CEP68: variants seen among roughly 807,000 people sequenced by gnomAD.
CEP68 encodes the protein centrosomal protein of 68 kDa.
A neutral mutation model predicts 55.3 loss-of-function variants in CEP68; 26 were observed. The observed-to-expected ratio is 0.47, with a 90% confidence interval of 0.34 to 0.65. CEP68 has a LOEUF of 0.65. Ranked by LOEUF, CEP68 falls within the 30% of genes least tolerant of loss-of-function variation. The pLI is 0.01. For missense variants in CEP68, 957 were observed against 946.7 expected, an observed-to-expected ratio of 1.01 and a Z score of -0.14; for synonymous variants, 402 against 383.2, an observed-to-expected ratio of 1.05 and a Z score of -0.57.
intron 5 of CEP68, among the ~76,000 whole-genome samples, chr2:65,079,284 G>A (rs936710364): frequency 4.6e-5 from 7 of 152,146 alleles, no homozygotes; most frequent in South Asian, 2.1e-4. Flanking sequence ...CATATTGGCC[G>A]CATGATTTTG....
At chr2:65,061,171 C>T (rs1675893536) in intron 1 of CEP68, among the ~76,000 whole-genome samples, 1 of 151,674 alleles carries the variant, frequency 6.6e-6, no homozygotes, top group Admixed American at 6.6e-5. Flanking sequence ...GACTCCATCT[C>T]AAATTAAAAA....
intron 1 of CEP68, among the ~76,000 whole-genome samples, chr2:65,069,146 T>C (rs2252867): frequency 0.4 from 60,810 of 151,948 alleles, 12,494 homozygotes; most frequent in Middle Eastern, 0.49. Flanking sequence ...GTTGACCCTC[T>C]TGGGTTTCTG....
intron 1 of CEP68, among the ~76,000 whole-genome samples, chr2:65,066,269 G>A (rs1184699761): frequency 1.3e-5 from 2 of 152,200 alleles, no homozygotes; most frequent in Non-Finnish European, 2.9e-5. Flanking sequence ...ACCTCAGTCA[G>A]GAATCAGGGT....
intron 4 of CEP68, 117 bp from the exon 5 acceptor site, chr2:65,077,751 G>T: frequency 1.5e-6 from 1 of 653,056 alleles, no homozygotes; most frequent in Non-Finnish European, 2.6e-6. Context: ...ACCTGATGGG[G>T]TGAATCTTAC....
At chr2:65,080,527 G>A in intron 5 of CEP68, 1 of 985,350 alleles carries the variant, frequency 1.0e-6, no homozygotes, top group Non-Finnish European at 1.2e-6. Flanking sequence ...CTAAATAAAA[G>A]TTCAAAAGCG....
At chr2:65,073,333 C>T in intron 3 of CEP68, 1 of 353,716 alleles carries the variant, frequency 2.8e-6, no homozygotes, top group Non-Finnish European at 5.5e-6. Context: ...AGGTTTTGTG[C>T]ACAGATGCCT....
intron 4 of CEP68, among the ~76,000 whole-genome samples, chr2:65,077,233 G>A (rs1451573918): frequency 6.6e-6 from 1 of 152,024 alleles, no homozygotes; most frequent in Non-Finnish European, 1.5e-5. Context: ...CCTGACCTCA[G>A]GTGATCCGCC....
rs745640893 is a variant in CEP68, at chr2:65,074,505, T to C, written c.2007+101T>C. ...CAAATAACCAATGTCTGGTATGTTA[T>C]AGCTCAGTTGACTATTATACCTGAA... On this transcript the variant is annotated intron_variant, in intron 4 of 6. Transcript: ENST00000377990. 3.9e-6 allele frequency: 6 copies of C among 1,535,544 alleles called. No homozygotes were observed. In the South Asian group the frequency reaches 5.6e-5, roughly 14 times the overall value.
chr2:65,081,634 A>G lies in CEP68; in HGVS notation c.2105-902A>G, dbSNP rs542877934. 3.3e-5 allele frequency among the ~76,000 whole-genome samples: 5 copies of G among 152,362 alleles called. No homozygotes were observed. In the South Asian group the frequency reaches 8.3e-4, roughly 25 times the overall value. On this transcript the variant is annotated intron_variant, in intron 5 of 6. Transcript: ENST00000377990. ...TGACCCTAGCCCATCCCTTCCTCAC[A>G]TGAACAACAATTCTGACACTGCGGG...
At chr2:65,060,686 G>C (rs143339073) in intron 1 of CEP68, among the ~76,000 whole-genome samples, 9 of 152,302 alleles carry the variant, frequency 5.9e-5, no homozygotes, top group African/African-American at 2.2e-4. Context: ...TATAAGGAAG[G>C]TGTTTTTCTG....
intron 1 of CEP68, among the ~76,000 whole-genome samples, chr2:65,059,130 G>T (rs1346365446): frequency 6.6e-6 from 1 of 152,132 alleles, no homozygotes; most frequent in African/African-American, 2.4e-5. Flanking sequence ...ACTTAAATCT[G>T]TTCTCATGAA....
At chr2:65,073,042 C>T (rs778498121) in intron 3 of CEP68, 62 bp downstream of exon 3, 1 of 1,551,408 alleles carries the variant, frequency 6.4e-7, no homozygotes, top group Non-Finnish European at 8.9e-7. Context: ...CCCCAATCCA[C>T]TAACATCATA....
chr2:65,072,528 A>G lies in CEP68; in HGVS notation c.1432A>G (p.Ser478Gly). 6.2e-7 allele frequency: 1 copy of G among 1,614,094 alleles called. No individual in the cohort carries two copies. The highest frequency in any genetic ancestry group is 8.5e-7 in the Non-Finnish European group (1 of 1,180,010). ...GTGGAAATCAGAAGAGGAAGTGGAAAGTGATGACGAGTATCTTGCCCTCCC... is the reference window on the plus strand; with the variant it reads ...GTGGAAATCAGAAGAGGAAGTGGAAGGTGATGACGAGTATCTTGCCCTCCC... ...SRWKSEEEVE[S>G]DDEYLALPAR... The change falls in exon 3 of 7, where the codon AGT (serine) becomes GGT (glycine). Residue 478 changes from serine (S) to glycine (G), a missense_variant. Coordinates refer to ENST00000377990, the MANE Select transcript of CEP68 (RefSeq NM_015147.3).
chr2:65,076,995 CT>C (rs573128823), intron 4 of CEP68, among the ~76,000 whole-genome samples: 10,804 of 118,018 alleles, frequency 0.092, 406 homozygotes, highest in East Asian at 0.21. Flanking sequence ...TTGACTTTAC[CT>C]TTTTTTTTTT....
At position 65,074,191 on chromosome 2, in the gene CEP68, T is replaced by A; in HGVS notation, c.1885-91T>A. 2.0e-6 allele frequency: 3 copies of A among 1,496,492 alleles called. No homozygotes were observed. The South Asian group carries it at 3.8e-5, about 19-fold the overall frequency. The allele number at this position is 1,496,492 out of a possible 1,614,324, so 92.7% of individuals were successfully genotyped here. A position where few individuals can be genotyped will look rare whatever the true frequency, so the allele number is the denominator to read the frequency against. ...GAGGAAACTGAAGGTGCACAGTCTG[T>A]CTCCAAGTCCTCCTGATATTTTTAG... On this transcript the variant is annotated intron_variant, in intron 3 of 6. Coordinates refer to ENST00000377990, the MANE Select transcript of CEP68 (RefSeq NM_015147.3).
chr2:65,071,408 G>C (rs774440129), intron 2 of CEP68, 46 bp from the exon 3 acceptor site: 1 of 1,503,596 alleles, frequency 6.7e-7, no homozygotes. Flanking sequence ...AAAGAAATTG[G>C]GTTTGATTTT....
rs1230436176 is a variant in CEP68, at chr2:65,086,751, T to C, written c.*3117T>C. On this transcript the variant is annotated 3_prime_UTR_variant, in exon 7 of 7. Transcript: ENST00000377990. ...TACTGTATTAAGGCAAAAACAAAAC[T>C]TCTGAAGCATTAAAGATCTTCACCA... 5.2e-5 allele frequency: 8 copies of C among 152,636 alleles called. No individual in the cohort carries two copies. The highest frequency in any genetic ancestry group is 5.2e-4 in the Admixed American group (8 of 15,276). 9.5% of individuals were successfully genotyped at this position (152,636 alleles called of 1,614,324 possible).
At chr2:65,076,348 T>C (rs914531190) in intron 4 of CEP68, among the ~76,000 whole-genome samples, 1 of 152,146 alleles carries the variant, frequency 6.6e-6, no homozygotes, top group Non-Finnish European at 1.5e-5. Context: ...CTTCTGTACC[T>C]CAGCTTCTAG....
At chr2:65,064,448 C>A (rs903820115) in intron 1 of CEP68, among the ~76,000 whole-genome samples, 1 of 152,024 alleles carries the variant, frequency 6.6e-6, no homozygotes, top group Admixed American at 6.6e-5. Flanking sequence ...AGAAATCGAG[C>A]AAGAGGCCGG....
Sources: allele counts gnomAD v4.1 joint callset (sites outside exome capture counted in the v4.1 genomes callset), GRCh38; gene constraint gnomAD v4.1.1; transcripts MANE v1.5; gene names NCBI Gene and HGNC (gene_info 2026-07-23, HGNC 2026-07-21).